Variants in CDC14B observed in about 807,000 individuals in gnomAD.
CDC14B encodes dual specificity protein phosphatase CDC14B.
Under a neutral mutation model 64.2 loss-of-function variants are expected in CDC14B, and 22 were observed. The ratio of observed to expected loss-of-function variants is 0.34; its 90% CI spans 0.24 to 0.49. CDC14B has a LOEUF of 0.49. Ranked by LOEUF, CDC14B falls within the 20% of genes least tolerant of loss-of-function variation. CDC14B has a pLI of 0.99. For missense variants in CDC14B, 498 were observed against 629.9 expected (o/e 0.79, Z 2.24); for synonymous variants, 191 against 215.8 (o/e 0.89, Z 1.01).
rs112565127 is a variant in CDC14B at position 96,555,281 on chromosome 9, G to A, written c.421-3409C>T. 1.5e-3 allele frequency among the ~76,000 whole-genome samples: 225 copies of A among 152,260 alleles called. 3 individuals are homozygous for A. Among genetic ancestry groups the A allele is most frequent in the African/African-American group, 5.2e-3 (215 of 41,550 alleles). On this transcript the variant is annotated intron_variant, in intron 4 of 13. Coordinates refer to ENST00000375241, the MANE Select transcript of CDC14B (RefSeq NM_033331.4). ...TGTCATGCTTTCTCTTAGAACCCTC[G>A]CTCTGGGTACAGCAAGCTGTTATTT...
At chr9:96,614,133 C>G (rs56021201) in intron 1 of CDC14B, among the ~76,000 whole-genome samples, 22,591 of 152,034 alleles carry the variant, frequency 0.15, 5,628 homozygotes, top group African/African-American at 0.51. Flanking sequence ...GGCAGACACT[C>G]GAAAACTTGT....
At chr9:96,510,533 GT>G (rs1007866546) in intron 12 of CDC14B, among the ~76,000 whole-genome samples, 82 of 146,422 alleles carry the variant, frequency 5.6e-4, no homozygotes, top group South Asian at 4.1e-3. Flanking sequence ...TGGTCCTTTG[GT>G]TTTTTTTTTT....
At chr9:96,510,259 T>G (rs1834731820) in intron 12 of CDC14B, among the ~76,000 whole-genome samples, 1 of 152,232 alleles carries the variant, frequency 6.6e-6, no homozygotes, top group Non-Finnish European at 1.5e-5. Context: ...CAATACTAAT[T>G]TTATATAACG....
chr9:96,578,831 T>C (rs887077330), intron 1 of CDC14B, among the ~76,000 whole-genome samples: 2 of 152,236 alleles, frequency 1.3e-5, no homozygotes, highest in African/African-American at 4.8e-5. Context: ...TCTTTTTCTT[T>C]TCTTTGAGAC....
At chr9:96,600,893 T>C (rs1846394440) in intron 1 of CDC14B, among the ~76,000 whole-genome samples, 1 of 152,124 alleles carries the variant, frequency 6.6e-6, no homozygotes, top group South Asian at 2.1e-4. Flanking sequence ...CTCTACCCAA[T>C]GTTATGCAAA....
At chr9:96,553,163 T>C (rs1354565998) in intron 4 of CDC14B, among the ~76,000 whole-genome samples, 2 of 152,122 alleles carry the variant, frequency 1.3e-5, no homozygotes, top group African/African-American at 4.8e-5. Flanking sequence ...TGTGAAACTA[T>C]CACTGGACTA....
At position 96,597,569 on chromosome 9, in the gene CDC14B, A is replaced by C. The variant is rs374081992; in HGVS notation, c.160+21650T>G. Among the ~76,000 whole-genome samples the C allele has an allele frequency of 5.9e-5, 9 of 152,060 alleles. No homozygotes were observed. The East Asian group carries it at 1.2e-3, about 20-fold the overall frequency. Reference sequence around the variant, plus strand: ...TCAAAGAAAAAAAATGAAAAATGTCAACCTAGAGTTCAACATTAAGCAAAA... The same window carrying C: ...TCAAAGAAAAAAAATGAAAAATGTCCACCTAGAGTTCAACATTAAGCAAAA... On this transcript the variant is annotated intron_variant, in intron 1 of 13. Transcript: ENST00000375241.
intron 5 of CDC14B, among the ~76,000 whole-genome samples, chr9:96,544,422 C>A (rs1305170349): frequency 6.6e-6 from 1 of 152,170 alleles, no homozygotes; most frequent in Non-Finnish European, 1.5e-5. Context: ...TAGCTAAAAT[C>A]GTCTTCAATG....
chr9:96,616,840 G>A (rs1015942550), intron 1 of CDC14B, among the ~76,000 whole-genome samples: 1 of 152,154 alleles, frequency 6.6e-6, no homozygotes, highest in Non-Finnish European at 1.5e-5. Flanking sequence ...GAAGGGACCA[G>A]TTTGCCACTT....
chr9:96,583,406 ATTATTAT>A (rs1845280938), intron 1 of CDC14B, among the ~76,000 whole-genome samples: 1 of 146,608 alleles, frequency 6.8e-6, no homozygotes, highest in Non-Finnish European at 1.5e-5. Flanking sequence ...TATTATTATT[ATTATTAT>A]TGAGACTAAG....
At chr9:96,508,838 A>G (rs546692055) in intron 13 of CDC14B, among the ~76,000 whole-genome samples, 1 of 152,326 alleles carries the variant, frequency 6.6e-6, no homozygotes, top group Admixed American at 6.5e-5. Context: ...TCGGATATAC[A>G]TGGCAGGGAA....
intron 4 of CDC14B, 175 bp downstream of exon 4, chr9:96,562,518 C>T: frequency 3.3e-6 from 2 of 600,800 alleles, no homozygotes; most frequent in South Asian, 2.1e-5. Flanking sequence ...CTCTCATCTA[C>T]CTGCTACTTC....
chr9:96,601,200 T>C (rs1237297088), intron 1 of CDC14B, among the ~76,000 whole-genome samples: 1 of 152,064 alleles, frequency 6.6e-6, no homozygotes, highest in Non-Finnish European at 1.5e-5. Flanking sequence ...CTGAACAATC[T>C]AAAAACCTAA....
intron 13 of CDC14B, among the ~76,000 whole-genome samples, chr9:96,506,252 C>G (rs1056478177): frequency 1.3e-5 from 2 of 152,146 alleles, no homozygotes; most frequent in Admixed American, 6.5e-5. Context: ...ACAATCTTAG[C>G]TCATACTATT....
intron 1 of CDC14B, chr9:96,566,760 C>G: frequency 6.2e-7 from 1 of 1,604,292 alleles, no homozygotes; most frequent in Non-Finnish European, 8.5e-7. Flanking sequence ...CCCGCCCTCC[C>G]GGCTCACCTT....
chr9:96,569,817 G>A (rs1844365778), intron 1 of CDC14B, among the ~76,000 whole-genome samples: 1 of 152,054 alleles, frequency 6.6e-6, no homozygotes, highest in South Asian at 2.1e-4. Context: ...TCAAACTCCT[G>A]ACCTCAAGTG....
chr9:96,539,115 A>G lies in CDC14B; in HGVS notation c.590T>C (p.Phe197Ser). 3.7e-6 allele frequency: 6 copies of G among 1,610,076 alleles called. No homozygotes were observed. Among genetic ancestry groups the G allele is most frequent in the Non-Finnish European group, 5.1e-6 (6 of 1,176,486 alleles). Reference protein sequence around the residue: ...KKAMQYGFLNFNSFNLDEYEH... With the variant: ...KKAMQYGFLNSNSFNLDEYEH... ...ATATTCATCAAGGTTAAATGAGTTG[A>G]AATTAAGGAAGCCATACTGCATTGC... is the stretch of plus-strand genomic sequence containing the variant. The change falls in exon 7 of 14, where the codon TTC (phenylalanine) becomes TCC (serine). Residue 197 changes from phenylalanine (F) to serine (S), a missense_variant. Physicochemically the swap from Phe to Ser is radical, Grantham distance 155. Transcript: ENST00000375241.
chr9:96,568,976 G>A (rs140505405), intron 1 of CDC14B, among the ~76,000 whole-genome samples: 1 of 151,980 alleles, frequency 6.6e-6, no homozygotes, highest in East Asian at 1.9e-4. Context: ...ACTGTTAAGC[G>A]CTACCACTTC....
downstream of CDC14B, chr9:96,496,140 A>G (rs1587698228): frequency 2.7e-6 from 1 of 372,266 alleles, no homozygotes; most frequent in East Asian, 7.3e-5. Context: ...AGTCAGGCCG[A>G]GGCCCACCTA....
Sources: gnomAD v4.1 joint callset for allele counts (sites outside exome capture counted in the v4.1 genomes callset) on GRCh38, gnomAD v4.1.1 for gene constraint, MANE v1.5 for transcripts, NCBI Gene and HGNC (gene_info 2026-07-23, HGNC 2026-07-21) for gene names.